LY75: variants seen among roughly 807,000 people sequenced by gnomAD.
The protein encoded by LY75 is lymphocyte antigen 75, also known as C-type lectin domain family 13 member B.
LY75 carries 185 observed loss-of-function variants against 231.7 expected under a neutral mutation model. The observed-to-expected ratio is 0.80, with a 90% confidence interval of 0.71 to 0.90. LY75 has a LOEUF of 0.90. Among genes scored for constraint, LY75 ranks in the 40% least tolerant of loss-of-function variants. LY75 has a pLI of 0.00. For synonymous variants in LY75, 668 were observed against 689.0 expected (o/e 0.97, Z 0.48); for missense variants, 1,947 against 2,050.2 (o/e 0.95, Z 0.97).
At chr2:159,879,582 G>C (rs1356541770) in intron 8 of LY75, among the ~76,000 whole-genome samples, 1 of 152,180 alleles carries the variant, frequency 6.6e-6, no homozygotes, top group Non-Finnish European at 1.5e-5. Flanking sequence ...CCAGGTCACA[G>C]TGTGGATAAA....
intron 27 of LY75, among the ~76,000 whole-genome samples, chr2:159,833,331 G>A (rs1459928275): frequency 6.6e-6 from 1 of 152,028 alleles, no homozygotes; most frequent in Non-Finnish European, 1.5e-5. Context: ...TGCCCAGGCT[G>A]GTCTTGAATG....
At chr2:159,866,647 G>A (rs1268542887) in intron 13 of LY75, among the ~76,000 whole-genome samples, 1 of 152,120 alleles carries the variant, frequency 6.6e-6, no homozygotes, top group Non-Finnish European at 1.5e-5. Context: ...ACAGGGTCTA[G>A]ACAATTGGCA....
Position 159,823,882 on chromosome 2 carries a change from G to T in LY75, c.3959-3962C>A, listed in dbSNP as rs936508024. 5.9e-5 allele frequency among the ~76,000 whole-genome samples: 9 copies of T among 152,210 alleles called. No individual in the cohort carries two copies. In the South Asian group the frequency reaches 1.9e-3, roughly 32 times the overall value. On this transcript the variant is annotated intron_variant, in intron 28 of 34. Coordinates refer to ENST00000263636, the MANE Select transcript of LY75 (RefSeq NM_002349.4). ...TAAGCAAAGGAGAAATAAAATCCTT[G>T]ACAGACAGGCAAGTGCTGAGAGATT...
chr2:159,889,666 C>G (rs1448758967), intron 4 of LY75, among the ~76,000 whole-genome samples: 1 of 152,070 alleles, frequency 6.6e-6, no homozygotes, highest in African/African-American at 2.4e-5. Flanking sequence ...TTATTCTTAT[C>G]TATTAAGTTT....
chr2:159,846,938 T>C (rs16844411), intron 23 of LY75, among the ~76,000 whole-genome samples: 22,622 of 152,248 alleles, frequency 0.15, 2,009 homozygotes, highest in East Asian at 0.35. Context: ...GAAAATACGA[T>C]ATCAAACTAC....
chr2:159,835,182 T>C (rs1487200378), intron 26 of LY75, among the ~76,000 whole-genome samples: 1 of 152,198 alleles, frequency 6.6e-6, no homozygotes, highest in Non-Finnish European at 1.5e-5. Flanking sequence ...AATGTAAGCT[T>C]TCTACAACTA....
At chr2:159,812,518 C>T (rs905445160) in intron 31 of LY75, among the ~76,000 whole-genome samples, 1 of 152,076 alleles carries the variant, frequency 6.6e-6, no homozygotes, top group Admixed American at 6.6e-5. Flanking sequence ...TGCAATAGAT[C>T]CTCCTGCCTC....
intron 16 of LY75, among the ~76,000 whole-genome samples, chr2:159,856,681 T>C (rs1684557842): frequency 6.6e-6 from 1 of 152,222 alleles, no homozygotes; most frequent in Non-Finnish European, 1.5e-5. Flanking sequence ...TTTAGTTTTT[T>C]ATTTTATTTC....
At chr2:159,832,970 C>G (rs1396587027) in intron 27 of LY75, among the ~76,000 whole-genome samples, 1 of 152,178 alleles carries the variant, frequency 6.6e-6, no homozygotes, top group African/African-American at 2.4e-5. Flanking sequence ...CTCTTGAGAG[C>G]TGAAAATGTG....
chr2:159,831,894 A>G (rs1302190163), intron 27 of LY75, 108 bp from the exon 28 acceptor site: 1 of 844,710 alleles, frequency 1.2e-6, no homozygotes, highest in East Asian at 2.9e-5. Flanking sequence ...TTCAAAATAT[A>G]AACAATATTG....
Position 159,878,340 on chromosome 2 carries a change from C to T in LY75, c.1758G>A (p.Trp586Ter). ...GACACTCACCTGGCTCAAGAAAATT[C>T]CAGTTGGAAAAGGTTACAGCCCGCC... ...GRRRAVTFSN[W>*]NFLEPASPGG... is the part of the protein sequence containing the mutation. The change falls in exon 11 of 35, where the codon TGG (tryptophan) becomes TGA (stop). Residue 586 changes from tryptophan (W) to a stop codon, truncating the protein, a stop_gained. Transcript: ENST00000263636. LOFTEE classifies it high-confidence loss of function. 6.2e-7 allele frequency: 1 copy of T among 1,613,772 alleles called. No homozygotes were observed. The highest frequency in any genetic ancestry group is 8.5e-7 in the Non-Finnish European group (1 of 1,179,874).
intron 14 of LY75, among the ~76,000 whole-genome samples, chr2:159,862,471 T>G (rs907134361): frequency 6.6e-6 from 1 of 151,808 alleles, no homozygotes; most frequent in African/African-American, 2.4e-5. Context: ...AAGAAAAAAA[T>G]CACTCATACT....
Position 159,904,652 on chromosome 2 carries a change from G to A in LY75, c.31C>T (p.Pro11Ser), listed in dbSNP as rs1437739479. 3 of 1,491,546 alleles carry A rather than the reference G, an allele frequency of 2.0e-6. No homozygotes were observed. The highest frequency in any genetic ancestry group is 2.7e-6 in the Non-Finnish European group (3 of 1,123,536). 92.4% of individuals were successfully genotyped at this position (1,491,546 alleles called of 1,614,324 possible). The stretch of plus-strand genomic sequence containing the variant: ...AAGAGCAGCATGAGGAGCCCCGCCG[G>A]GCGGCGAGGGGTCGCCCAGCCTGTC... MRTGWATPRR[P>S]AGLLMLLFWF... Residue 11 changes from proline (P) to serine (S), a missense_variant, in exon 1 of 35, where the codon CCG becomes TCG. Physicochemically the swap from Pro to Ser is moderately conservative, Grantham distance 74. Coordinates refer to ENST00000263636, the MANE Select transcript of LY75 (RefSeq NM_002349.4).
intron 31 of LY75, among the ~76,000 whole-genome samples, chr2:159,813,331 T>C (rs1574520645): frequency 1.5e-5 from 2 of 129,496 alleles, no homozygotes; most frequent in Admixed American, 9.0e-5. Context: ...TTCTCTGTTT[T>C]GTTTTTTTTT....
Position 159,875,558 on chromosome 2 carries a change from A to T in LY75, c.1860T>A (p.Leu620=), listed in dbSNP as rs1685242403. The T allele has an allele frequency of 1.2e-6, 2 of 1,614,088 alleles. No homozygotes were observed. Among genetic ancestry groups the T allele is most frequent in the Non-Finnish European group, 1.7e-6 (2 of 1,180,006 alleles). Residue 620 remains leucine, a synonymous_variant, in exon 12 of 35, where the codon CTT becomes CTA. Transcript: ENST00000263636. The part of the protein sequence containing the change: ...EVKDCRSFKA[L]SICKKMSGPL... ...GTCCACTCATTTTCTTGCAAATTGA[A>T]AGTGCTTTGAAGCTTCTGCAGTCCT...
In LY75 at chr2:159,894,018, G is replaced by C. The variant is rs1271391648; in HGVS notation, c.533C>G (p.Thr178Ser). The C allele has an allele frequency of 1.2e-6, 2 of 1,613,722 alleles. No homozygotes were observed. Among genetic ancestry groups the C allele is most frequent in the Non-Finnish European group, 1.7e-6 (2 of 1,179,852 alleles). Residue 178 changes from threonine (T) to serine (S), a missense_variant, in exon 3 of 35, where the codon ACC (threonine) becomes AGC (serine). By Grantham distance (58) the Thr-to-Ser change is moderately conservative. Transcript: ENST00000263636. ...PCEFPFLIDGTWHHDCILDED... is the reference protein window; with the variant it reads ...PCEFPFLIDGSWHHDCILDED... The stretch of plus-strand genomic sequence containing the variant: ...ATCAAGAATGCAATCATGATGCCAG[G>C]TCCCATCAATTAAGAATGGAAATTC...
At chr2:159,844,831 TG>T (rs1301473013) in intron 23 of LY75, among the ~76,000 whole-genome samples, 3 of 150,032 alleles carry the variant, frequency 2.0e-5, no homozygotes, top group Non-Finnish European at 4.4e-5. Context: ...ATTTTAGATA[TG>T]GGGGCACATG....
chr2:159,884,778 T>A (rs1685536244), intron 6 of LY75, among the ~76,000 whole-genome samples: 1 of 152,090 alleles, frequency 6.6e-6, no homozygotes, highest in Non-Finnish European at 1.5e-5. Flanking sequence ...CTGGGGTGGG[T>A]CCTGAGAGCT....
At chr2:159,873,468 G>A (rs903962435) in intron 12 of LY75, among the ~76,000 whole-genome samples, 2 of 152,150 alleles carry the variant, frequency 1.3e-5, no homozygotes. Flanking sequence ...CCTGTGAGCT[G>A]TTGCCCTTTT....
Sources: allele counts gnomAD v4.1 joint callset (sites outside exome capture counted in the v4.1 genomes callset), GRCh38; gene constraint gnomAD v4.1.1; transcripts MANE v1.5; gene names NCBI Gene and HGNC (gene_info 2026-07-23, HGNC 2026-07-21).